The following IDE variants were observed in gnomAD, a reference collection of about 807,000 sequenced individuals.
IDE encodes the protein insulin degrading enzyme.
A neutral mutation model predicts 133.2 loss-of-function variants in IDE; 58 were observed. The observed-to-expected ratio is 0.44, with a 90% CI of 0.35 to 0.54. The LOEUF (loss-of-function observed/expected upper bound fraction) is 0.54, where lower values mean the gene tolerates loss of function less well. Ranked by LOEUF, IDE falls within the 20% of genes least tolerant of loss-of-function variation. The probability of loss-of-function intolerance (pLI) is 0.00; values close to 1 mark genes in which losing one functional copy is unlikely to be tolerated. For missense variants in IDE, 981 were observed against 1,234.0 expected (o/e 0.79, Z 3.07); for synonymous variants, 396 against 421.3 (o/e 0.94, Z 0.73).
intron 15 of IDE, among the ~76,000 whole-genome samples, chr10:92,478,046 A>G (rs941632155): frequency 4.6e-5 from 7 of 152,234 alleles, no homozygotes; most frequent in African/African-American, 1.7e-4. Context: ...ATTTTCAAGA[A>G]AAGTGAAGAT....
intron 4 of IDE, among the ~76,000 whole-genome samples, chr10:92,523,532 TAA>T (rs35361515): frequency 7.0e-4 from 93 of 132,016 alleles, no homozygotes; most frequent in Non-Finnish European, 5.1e-4. Context: ...GGTCTCTACT[TAA>T]AAAAAAAAAA....
At chr10:92,521,662 T>C (rs560303893) in intron 4 of IDE, among the ~76,000 whole-genome samples, 4 of 151,992 alleles carry the variant, frequency 2.6e-5, no homozygotes, top group Admixed American at 6.6e-5. Context: ...CTGGACAACA[T>C]AGTGAGATCC....
At chr10:92,541,241 G>A in intron 1 of IDE, 1 of 420,510 alleles carries the variant, frequency 2.4e-6, no homozygotes, top group Non-Finnish European at 4.9e-6. Context: ...TCAATACAAA[G>A]TCTGGGTTTA....
intron 4 of IDE, among the ~76,000 whole-genome samples, chr10:92,516,798 C>G (rs1368697260): frequency 1.3e-5 from 2 of 152,168 alleles, no homozygotes; most frequent in African/African-American, 4.8e-5. Flanking sequence ...ATTTTTATAA[C>G]TCTCCAGCGA....
Position 92,507,471 on chromosome 10 carries a change from A to G in IDE, c.1245+104T>C, listed in dbSNP as rs1848356881. 2.2e-5 allele frequency: 16 copies of G among 739,136 alleles called. No individual in the cohort carries two copies. In the East Asian group the frequency reaches 3.9e-4, roughly 18 times the overall value. 45.8% of individuals were successfully genotyped at this position (739,136 alleles called of 1,614,324 possible). On this transcript the variant is annotated intron_variant, in intron 9 of 24. Coordinates refer to ENST00000265986, the MANE Select transcript of IDE (RefSeq NM_004969.4). Reference sequence around the variant, plus strand: ...CAAAATTTTAGACTTCAGTTAGGAAAAAAACTTTAAAAGTTTAACTGGGCC... The same window carrying G: ...CAAAATTTTAGACTTCAGTTAGGAAGAAAACTTTAAAAGTTTAACTGGGCC...
At position 92,483,287 on chromosome 10, in the gene IDE, CA is replaced by C. The variant is rs771790236; in HGVS notation, c.1706del (p.Leu569CysfsTer45). The C allele has an allele frequency of 1.1e-5, 17 of 1,604,058 alleles. No homozygotes were observed. The highest frequency in any genetic ancestry group is 3.3e-4 in the Middle Eastern group (2 of 6,044). On this transcript the variant is annotated frameshift_variant, in exon 14 of 25. Transcript: ENST00000265986. LOFTEE classifies it high-confidence loss of function. ...ATTCAAAGTTGAGACAAGCCTTCGG[CA>C]AAAAAAACTTATCATCTTGTTTGAA... ...LWFKQDDKFF[L>X]PKACLNFEFF...
intron 1 of IDE, among the ~76,000 whole-genome samples, chr10:92,567,626 A>G (rs1322099241): frequency 6.6e-6 from 1 of 152,104 alleles, no homozygotes; most frequent in Non-Finnish European, 1.5e-5. Context: ...TCCTTTGCTG[A>G]TATTGTGAAT....
intron 12 of IDE, 132 bp downstream of exon 12, chr10:92,490,361 T>C: frequency 3.0e-6 from 2 of 660,326 alleles, no homozygotes; most frequent in South Asian, 1.9e-5. Flanking sequence ...CTTGTTGATT[T>C]CTCTTAGGAT....
chr10:92,551,271 A>C (rs1164097032), intron 1 of IDE, among the ~76,000 whole-genome samples: 1 of 152,212 alleles, frequency 6.6e-6, no homozygotes, highest in African/African-American at 2.4e-5. Context: ...TAGAAGACAT[A>C]CTAAATGAAA....
intron 17 of IDE, among the ~76,000 whole-genome samples, chr10:92,474,312 C>A (rs1234771427): frequency 1.3e-5 from 2 of 152,064 alleles, no homozygotes; most frequent in Non-Finnish European, 2.9e-5. Flanking sequence ...AAGCGATCCT[C>A]CTTTCTCCGC....
chr10:92,475,791 T>G, intron 16 of IDE, 93 bp downstream of exon 16: 2 of 577,102 alleles, frequency 3.5e-6, no homozygotes, highest in South Asian at 5.1e-5. Flanking sequence ...TTTTCCTCCT[T>G]GCTTCTTTTA....
chr10:92,469,339 G>A (rs567387480), intron 18 of IDE, among the ~76,000 whole-genome samples: 1 of 152,288 alleles, frequency 6.6e-6, no homozygotes, highest in East Asian at 1.9e-4. Flanking sequence ...AATGACCTTG[G>A]TAAGAATCTT....
At chr10:92,455,700 C>CAA (rs11459510) in intron 23 of IDE, 57 bp from the exon 24 acceptor site, 7,745 of 720,840 alleles carry the variant, frequency 0.011, no homozygotes, top group South Asian at 0.019. Context: ...CACAAAAGAA[C>CAA]AAAAAAAAAA....
rs1344309452 is a variant in IDE at position 92,510,137 on chromosome 10, C to T, written c.810G>A (p.Leu270=). Residue 270 remains leucine (L), a synonymous_variant, in exon 6 of 25, where the codon CTG becomes CTA. Coordinates refer to ENST00000265986, the MANE Select transcript of IDE (RefSeq NM_004969.4). ...GRESLDDLTN[L]VVKLFSEVEN... The stretch of plus-strand genomic sequence containing the variant: ...CTACTTCAGAAAATAACTTTACCAC[C>T]AGATTAGTCAAGTCATCTAAAGATT... 1 of 1,586,986 alleles carries T rather than the reference C, an allele frequency of 6.3e-7. No individual in the cohort carries two copies. Among genetic ancestry groups the T allele is most frequent in the Non-Finnish European group, 8.6e-7 (1 of 1,158,488 alleles).
chr10:92,458,497 T>TG, intron 22 of IDE, among the ~76,000 whole-genome samples: 3 of 80,982 alleles, frequency 3.7e-5, no homozygotes, highest in Non-Finnish European at 5.6e-5. Context: ...TCTGTTTTTT[T>TG]TTTTTTTTTT....
intron 1 of IDE, among the ~76,000 whole-genome samples, chr10:92,557,654 C>T (rs1843075120): frequency 6.6e-6 from 1 of 151,970 alleles, no homozygotes; most frequent in African/African-American, 2.4e-5. Context: ...CTTTGGGAGG[C>T]CAAGGTAGGC....
chr10:92,490,488 C>T lies in IDE; in HGVS notation c.1533+5G>A, dbSNP rs2135460147. Reference sequence around the variant, plus strand: ...CAGGCTTATTCATAGATGAGTTAACCCTACCTTGATGACTTCATCCGGTAT... The same window carrying T: ...CAGGCTTATTCATAGATGAGTTAACTCTACCTTGATGACTTCATCCGGTAT... On this transcript the variant is annotated splice_donor_5th_base_variant and intron_variant, in intron 12 of 24. Coordinates refer to ENST00000265986, the MANE Select transcript of IDE (RefSeq NM_004969.4). 6.5e-7 allele frequency: 1 copy of T among 1,548,238 alleles called. No individual in the cohort carries two copies. The highest frequency in any genetic ancestry group is 1.4e-5 in the African/African-American group (1 of 73,654).
chr10:92,481,592 A>G (rs572802396), intron 14 of IDE, among the ~76,000 whole-genome samples: 1 of 152,352 alleles, frequency 6.6e-6, no homozygotes, highest in South Asian at 2.1e-4. Flanking sequence ...ACCAGATACT[A>G]TATGCTTAAA....
chr10:92,566,388 A>ATCTCTC, intron 1 of IDE, among the ~76,000 whole-genome samples: 1 of 144,964 alleles, frequency 6.9e-6, no homozygotes, highest in Non-Finnish European at 1.5e-5. Context: ...GTCAGACTCT[A>ATCTCTC]TCTCTCTCTC....
Sources: gnomAD v4.1 joint callset for allele counts (sites outside exome capture counted in the v4.1 genomes callset) on GRCh38, gnomAD v4.1.1 for gene constraint, MANE v1.5 for transcripts, NCBI Gene and HGNC (gene_info 2026-07-23, HGNC 2026-07-21) for gene names.